Variants in ITPR2 observed in about 807,000 individuals in gnomAD.
ITPR2 encodes the protein inositol 1,4,5-trisphosphate receptor type 2, also known as inositol 1,4,5-trisphosphate-gated calcium channel ITPR2.
Under a neutral mutation model 317.1 loss-of-function variants are expected in ITPR2, and 207 were observed. The observed-to-expected ratio is 0.65, with a 90% CI of 0.58 to 0.73. ITPR2 has a LOEUF of 0.73. Ranked by LOEUF, ITPR2 falls within the 30% of genes least tolerant of loss-of-function variation. ITPR2 has a pLI of 0.00. For synonymous variants in ITPR2, 1,156 were observed against 1,149.1 expected (o/e 1.01, Z -0.12); for missense variants, 2,613 against 3,284.0 (o/e 0.80, Z 4.99).
rs1038743948 is a variant in ITPR2, at chr12:26,768,331, G to A, written c.163+21826C>T. Among the ~76,000 whole-genome samples, 691 of 150,546 alleles carry A rather than the reference G, an allele frequency of 4.6e-3. 5 individuals are homozygous for A. The highest frequency in any genetic ancestry group is 0.016 in the African/African-American group (659 of 40,898). ...CTAATGATAGATGACACGTTGGTGG[G>A]TGCAGCGCACCAGCATGGCACATGT... is the stretch of plus-strand genomic sequence containing the variant. On this transcript the variant is annotated intron_variant, in intron 2 of 56. Coordinates refer to ENST00000381340, the MANE Select transcript of ITPR2 (RefSeq NM_002223.4).
rs199674561 is a variant in ITPR2 at position 26,339,497 on chromosome 12, G to C, written c.8020-14C>G. ...TTGTTCTGTCATCTGGGGGAAAAGA[G>C]AGAGTGTGTGTTCAGCGGATTTTCT... On this transcript the variant is annotated splice_polypyrimidine_tract_variant and intron_variant, in intron 56 of 56. Coordinates refer to ENST00000381340, the MANE Select transcript of ITPR2 (RefSeq NM_002223.4). 55 of 1,610,088 alleles carry C rather than the reference G, an allele frequency of 3.4e-5. No homozygotes were observed. The African/African-American group carries it at 6.4e-4, about 19-fold the overall frequency.
chr12:26,579,964 A>G, intron 33 of ITPR2, 63 bp downstream of exon 33: 1 of 1,447,302 alleles, frequency 6.9e-7, no homozygotes, highest in Non-Finnish European at 9.4e-7. Context: ...ACCAGAAAAA[A>G]TTTCTCCTAC....
chr12:26,378,688 T>A (rs1447284661), intron 55 of ITPR2, among the ~76,000 whole-genome samples: 1 of 152,214 alleles, frequency 6.6e-6, no homozygotes, highest in African/African-American at 2.4e-5. Context: ...TTCTTATTCT[T>A]ATCAGTGCCT....
intron 26 of ITPR2, among the ~76,000 whole-genome samples, chr12:26,610,672 T>A (rs777984995): frequency 2.0e-4 from 31 of 152,104 alleles, no homozygotes; most frequent in Non-Finnish European, 3.4e-4. Flanking sequence ...TAATAATATA[T>A]CATGTCCAGT....
chr12:26,367,996 C>G (rs186503755), intron 55 of ITPR2, among the ~76,000 whole-genome samples: 276 of 152,340 alleles, frequency 1.8e-3, no homozygotes, highest in Admixed American at 6.8e-3. Flanking sequence ...GCAACCTAAT[C>G]ACAGCCAACT....
chr12:26,622,175 G>C, intron 25 of ITPR2, 65 bp downstream of exon 25: 1 of 1,441,246 alleles, frequency 6.9e-7, no homozygotes, highest in Non-Finnish European at 9.4e-7. Flanking sequence ...CATGAAGTCA[G>C]GTTGGATGTT....
chr12:26,486,413 T>TAAAAA (rs36049222), intron 40 of ITPR2, 53 bp from the exon 41 acceptor site: 6 of 974,496 alleles, frequency 6.2e-6, no homozygotes, highest in Non-Finnish European at 7.2e-6. Context: ...TTTTACTAAT[T>TAAAAA]AAAAAAAAAA....
chr12:26,344,544 G>A (rs1362748277), intron 55 of ITPR2, among the ~76,000 whole-genome samples: 1 of 152,174 alleles, frequency 6.6e-6, no homozygotes, highest in Admixed American at 6.5e-5. Flanking sequence ...AAGCATCTCA[G>A]GGGCCAGGAT....
chr12:26,522,951 C>G (rs1943703408), intron 37 of ITPR2, among the ~76,000 whole-genome samples: 1 of 152,218 alleles, frequency 6.6e-6, no homozygotes, highest in African/African-American at 2.4e-5. Flanking sequence ...AAAATGGAAG[C>G]ATTCTGCATA....
intron 35 of ITPR2, 136 bp downstream of exon 35, chr12:26,561,626 G>A (rs773034526): frequency 1.4e-4 from 87 of 619,926 alleles, no homozygotes; most frequent in Non-Finnish European, 2.0e-4. Context: ...AAGAGCAGTG[G>A]TAGTAGAGAG....
At chr12:26,587,133 A>G (rs78986884) in intron 32 of ITPR2, among the ~76,000 whole-genome samples, 1,540 of 150,690 alleles carry the variant, frequency 0.01, 23 homozygotes, top group African/African-American at 0.036. Flanking sequence ...CACTTTTAAA[A>G]TATTTTTAGC....
intron 2 of ITPR2, among the ~76,000 whole-genome samples, chr12:26,733,611 C>T (rs778429424): frequency 7.9e-5 from 12 of 152,086 alleles, no homozygotes; most frequent in Non-Finnish European, 1.8e-4. Flanking sequence ...GATTCATACA[C>T]TAATAGGTAA....
At chr12:26,503,960 A>G (rs1565566099) in intron 37 of ITPR2, among the ~76,000 whole-genome samples, 1 of 152,224 alleles carries the variant, frequency 6.6e-6, no homozygotes, top group East Asian at 1.9e-4. Flanking sequence ...TTTCAAGAGA[A>G]GGCAAATGAA....
At position 26,670,703 on chromosome 12, in the gene ITPR2, T is replaced by C. The variant is rs559371474; in HGVS notation, c.1410-4652A>G. Among the ~76,000 whole-genome samples the C allele has an allele frequency of 1.5e-3, 233 of 152,300 alleles. 2 individuals are homozygous for C. In the Middle Eastern group the frequency reaches 0.02, roughly 13 times the overall value. ...CAATGGAACAAAGCTGGACGGATAATGACTTTTACGAGTTGAGAGAAGAAG... is the reference window on the plus strand; with the variant it reads ...CAATGGAACAAAGCTGGACGGATAACGACTTTTACGAGTTGAGAGAAGAAG... On this transcript the variant is annotated intron_variant, in intron 13 of 56. Transcript: ENST00000381340.
chr12:26,832,169 G>A (rs891603631), intron 1 of ITPR2, among the ~76,000 whole-genome samples: 19 of 152,164 alleles, frequency 1.2e-4, no homozygotes, highest in Non-Finnish European at 2.2e-4. Flanking sequence ...CTCCAGCGAA[G>A]AGGGGACGGT....
At chr12:26,546,409 G>A (rs987508075) in intron 37 of ITPR2, among the ~76,000 whole-genome samples, 1 of 152,030 alleles carries the variant, frequency 6.6e-6, no homozygotes, top group Admixed American at 6.6e-5. Context: ...ATGATCAAAT[G>A]TGTTAGCTCC....
At chr12:26,622,913 T>A (rs572273927) in intron 24 of ITPR2, among the ~76,000 whole-genome samples, 4 of 152,216 alleles carry the variant, frequency 2.6e-5, no homozygotes, top group Non-Finnish European at 5.9e-5. Context: ...AAAAGGTCCA[T>A]CTGTTTCAAG....
At chr12:26,630,936 A>G (rs1946738292) in intron 22 of ITPR2, among the ~76,000 whole-genome samples, 1 of 152,168 alleles carries the variant, frequency 6.6e-6, no homozygotes, top group Admixed American at 6.5e-5. Context: ...AGGCCTGCCA[A>G]TATTTCTCAG....
At chr12:26,806,325 C>T (rs1252675368) in intron 1 of ITPR2, among the ~76,000 whole-genome samples, 1 of 151,550 alleles carries the variant, frequency 6.6e-6, no homozygotes. Context: ...TATGAATGTA[C>T]TCAACTTCTT....
Sources: gnomAD v4.1 joint callset for allele counts (sites outside exome capture counted in the v4.1 genomes callset) on GRCh38, gnomAD v4.1.1 for gene constraint, MANE v1.5 for transcripts, NCBI Gene and HGNC (gene_info 2026-07-23, HGNC 2026-07-21) for gene names.